Variants in DPP6 observed in about 807,000 individuals in gnomAD.
The protein encoded by DPP6 is dipeptidyl peptidase like 6, also known as A-type potassium channel modulatory protein DPP6.
A neutral mutation model predicts 122.6 loss-of-function variants in DPP6; 69 were observed. The ratio of observed to expected loss-of-function variants is 0.56; its 90% CI spans 0.46 to 0.69. The LOEUF is 0.69. Among genes scored for constraint, DPP6 ranks in the 30% least tolerant of loss-of-function variants. The pLI is 0.00. For missense variants in DPP6, 928 were observed against 1,116.9 expected (o/e 0.83, Z 2.41); for synonymous variants, 418 against 433.1 (o/e 0.97, Z 0.43).
chr7:154,074,941 T>C (rs1803449044), intron 1 of DPP6, among the ~76,000 whole-genome samples: 1 of 150,548 alleles, frequency 6.6e-6, no homozygotes, highest in Non-Finnish European at 1.5e-5. Context: ...TACAAGGAAC[T>C]CAAACAAATC....
In DPP6 at chr7:154,655,612, GTCACAC is replaced by G. The variant is rs141342186; in HGVS notation, c.681-13747_681-13742del. Among the ~76,000 whole-genome samples, 1,163 of 152,300 alleles carry G rather than the reference GTCACAC, an allele frequency of 7.6e-3. 8 individuals carry two copies. The highest frequency in any genetic ancestry group is 0.041 in the Middle Eastern group (12 of 294). On this transcript the variant is annotated intron_variant, in intron 6 of 25. Coordinates refer to ENST00000377770, the MANE Select transcript of DPP6 (RefSeq NM_130797.4). Reference sequence around the variant, plus strand: ...TTTCTCTCTGCCTGTCTTCCTCTCTGTCACACACACACCTCTAAGAATTTCAGCAGA... The same window carrying G: ...TTTCTCTCTGCCTGTCTTCCTCTCTGACACACCTCTAAGAATTTCAGCAGA...
intron 1 of DPP6, among the ~76,000 whole-genome samples, chr7:153,887,999 G>T (rs1442243402): frequency 6.6e-6 from 1 of 152,222 alleles, no homozygotes; most frequent in Non-Finnish European, 1.5e-5. Flanking sequence ...TTTGGGCGCG[G>T]GATGGGAGGA....
the DPP6 span, among the ~76,000 whole-genome samples, chr7:153,871,737 C>T: frequency 2.0e-5 from 3 of 152,188 alleles, no homozygotes; most frequent in Non-Finnish European, 2.9e-5. Flanking sequence ...CCACCTTCTG[C>T]GTCGCTCACG....
At chr7:153,885,108 G>T, upstream of DPP6, among the ~76,000 whole-genome samples, 1 of 82,020 alleles carries the variant, frequency 1.2e-5, no homozygotes, top group Admixed American at 1.1e-4. Flanking sequence ...GGAGGCCCAT[G>T]CTTGGTGGGA....
At chr7:153,800,775 C>T in the DPP6 span, among the ~76,000 whole-genome samples, 1 of 151,978 alleles carries the variant, frequency 6.6e-6, no homozygotes, top group African/African-American at 2.4e-5. Context: ...CCTTGGCCTC[C>T]CAAAGTGCTG....
intron 1 of DPP6, chr7:154,055,591 A>G (rs978737206): frequency 1.3e-5 from 2 of 152,092 alleles, no homozygotes; most frequent in Admixed American, 1.3e-4. Flanking sequence ...AATTAGGAAC[A>G]CATTGCATTT....
At chr7:154,530,780 G>A (rs1295100983) in intron 3 of DPP6, among the ~76,000 whole-genome samples, 1 of 152,108 alleles carries the variant, frequency 6.6e-6, no homozygotes, top group African/African-American at 2.4e-5. Flanking sequence ...AGAAAATATG[G>A]TACATATACA....
chr7:154,156,761 A>G (rs1304166674), intron 1 of DPP6, among the ~76,000 whole-genome samples: 3 of 152,074 alleles, frequency 2.0e-5, no homozygotes, highest in Admixed American at 2.0e-4. Flanking sequence ...TAATGGAGGT[A>G]TAGATAGGTA....
chr7:154,401,149 G>A (rs758391246), intron 1 of DPP6, among the ~76,000 whole-genome samples: 14 of 151,212 alleles, frequency 9.3e-5, no homozygotes, highest in Non-Finnish European at 2.1e-4. Flanking sequence ...GTGAGCCAAG[G>A]TCATGCCACT....
intron 1 of DPP6, among the ~76,000 whole-genome samples, chr7:153,925,908 G>A (rs935621112): frequency 2.6e-5 from 4 of 152,120 alleles, no homozygotes; most frequent in African/African-American, 4.8e-5. Context: ...CAGTTACATC[G>A]TAGGAACTCC....
At chr7:153,885,661 G>A (rs1419521184), upstream of DPP6, among the ~76,000 whole-genome samples, 1 of 152,170 alleles carries the variant, frequency 6.6e-6, no homozygotes, top group African/African-American at 2.4e-5. Flanking sequence ...CCAGAAGACA[G>A]TAAGACAAAT....
Position 154,730,749 on chromosome 7 carries a change from C to A in DPP6, c.883+2862C>A, listed in dbSNP as rs182184175. 4.7e-4 allele frequency among the ~76,000 whole-genome samples: 72 copies of A among 152,282 alleles called. 2 individuals are homozygous for A. In the East Asian group the frequency reaches 0.013, roughly 28 times the overall value. ...TGTCCCCCGTCCCTAAGAGAAAGGG[C>A]CCCTAGAATTTTGGCTGCAAGAGCC... is the stretch of plus-strand genomic sequence containing the variant. On this transcript the variant is annotated intron_variant, in intron 8 of 25. Coordinates refer to ENST00000377770, the MANE Select transcript of DPP6 (RefSeq NM_130797.4).
chr7:154,254,491 G>T (rs926698329), intron 1 of DPP6, among the ~76,000 whole-genome samples: 5 of 152,148 alleles, frequency 3.3e-5, no homozygotes, highest in African/African-American at 1.2e-4. Flanking sequence ...GCTGTACTGA[G>T]CTTCTGAGAA....
intron 1 of DPP6, among the ~76,000 whole-genome samples, chr7:154,280,238 A>G (rs549074529): frequency 1.3e-5 from 2 of 152,334 alleles, no homozygotes; most frequent in Non-Finnish European, 2.9e-5. Flanking sequence ...GTATTGGACT[A>G]AAATGCAAAC....
At chr7:154,055,743 A>C (rs923194278) in intron 1 of DPP6, 1 of 152,202 alleles carries the variant, frequency 6.6e-6, no homozygotes, top group African/African-American at 2.4e-5. Context: ...GCGCAGGAGA[A>C]ATCTCCATCA....
chr7:154,753,566 G>C (rs761305556), intron 8 of DPP6, among the ~76,000 whole-genome samples: 4 of 152,202 alleles, frequency 2.6e-5, no homozygotes, highest in Non-Finnish European at 4.4e-5. Context: ...CTGTCCAGCT[G>C]GGGCCATCTG....
At chr7:154,744,079 C>T (rs1157831772) in intron 8 of DPP6, among the ~76,000 whole-genome samples, 1 of 152,170 alleles carries the variant, frequency 6.6e-6, no homozygotes, top group African/African-American at 2.4e-5. Context: ...CAGTTGTCCA[C>T]ACATCCTGGA....
At chr7:154,321,120 A>G (rs1218140984) in intron 1 of DPP6, among the ~76,000 whole-genome samples, 2 of 152,022 alleles carry the variant, frequency 1.3e-5, no homozygotes, top group African/African-American at 4.8e-5. Context: ...CATCTCTACA[A>G]AAAAATACCA....
At chr7:153,824,706 A>T in the DPP6 span, among the ~76,000 whole-genome samples, 4 of 152,080 alleles carry the variant, frequency 2.6e-5, no homozygotes, top group African/African-American at 7.2e-5. Flanking sequence ...AAAATAAAAA[A>T]AAAAAGATGT....
Sources: gnomAD v4.1 joint callset for allele counts (sites outside exome capture counted in the v4.1 genomes callset) on GRCh38, gnomAD v4.1.1 for gene constraint, MANE v1.5 for transcripts, NCBI Gene and HGNC (gene_info 2026-07-23, HGNC 2026-07-21) for gene names.